The following VPS13B variants were observed in gnomAD, a reference collection of about 807,000 sequenced individuals.
VPS13B encodes vacuolar protein sorting 13 homolog B.
In VPS13B, 285 loss-of-function variants were observed where a neutral mutation model predicts 426.4. The observed-to-expected ratio is 0.67, with a 90% CI of 0.61 to 0.74. VPS13B has a LOEUF of 0.74. VPS13B is among the 30% of genes least tolerant of loss of function. The probability of loss-of-function intolerance (pLI) is 0.00; values close to 1 mark genes in which losing one functional copy is unlikely to be tolerated. For missense variants in VPS13B, 4,537 were observed against 4,782.6 expected, an observed-to-expected ratio of 0.95 and a Z score of 1.51; for synonymous variants, 1,676 against 1,676.4, an observed-to-expected ratio of 1.00 and a Z score of 0.01.
intron 23 of VPS13B, among the ~76,000 whole-genome samples, chr8:99,454,320 C>A (rs908247781): frequency 6.6e-6 from 1 of 152,062 alleles, no homozygotes; most frequent in Non-Finnish European, 1.5e-5. Flanking sequence ...TGCCACCTCA[C>A]CTGGCTAAAT....
chr8:99,859,706 A>C (rs2130935014), intron 57 of VPS13B, among the ~76,000 whole-genome samples: 1 of 152,262 alleles, frequency 6.6e-6, no homozygotes, highest in East Asian at 1.9e-4. Context: ...GAAACTTCAG[A>C]ATTTTAAGCC....
chr8:99,848,434 A>G (rs1005836559), intron 54 of VPS13B, among the ~76,000 whole-genome samples: 1 of 152,130 alleles, frequency 6.6e-6, no homozygotes, highest in Non-Finnish European at 1.5e-5. Context: ...TTTTTCCCAC[A>G]AAGATCCATA....
chr8:99,530,142 T>A (rs1452108085), intron 30 of VPS13B, among the ~76,000 whole-genome samples: 3 of 152,214 alleles, frequency 2.0e-5, no homozygotes, highest in African/African-American at 7.2e-5. Flanking sequence ...TGTTCAACTC[T>A]ATTTTTAATT....
At chr8:99,382,498 G>A (rs1041150049) in intron 19 of VPS13B, among the ~76,000 whole-genome samples, 1 of 151,714 alleles carries the variant, frequency 6.6e-6, no homozygotes, top group Non-Finnish European at 1.5e-5. Flanking sequence ...ATCTCTTTGA[G>A]CATGTTTTAT....
In VPS13B at chr8:99,874,220, C is replaced by T. The variant is rs138225158; in HGVS notation, c.11746-1198C>T. Among the ~76,000 whole-genome samples the T allele has an allele frequency of 7.0e-3, 1,060 of 152,254 alleles. 16 individuals carry two copies. Among genetic ancestry groups the T allele is most frequent in the African/African-American group, 0.025 (1,026 of 41,534 alleles). On this transcript the variant is annotated intron_variant, in intron 61 of 61. Coordinates refer to ENST00000357162, the MANE Select transcript of VPS13B (RefSeq NM_152564.5). The stretch of plus-strand genomic sequence containing the variant: ...TTCCTGTGCTGCTGTTCAGGAGGAG[C>T]AATTAAAACTTTTTGTGTATTCAAA...
chr8:99,175,466 A>G (rs1812578892), intron 16 of VPS13B, among the ~76,000 whole-genome samples: 1 of 152,208 alleles, frequency 6.6e-6, no homozygotes, highest in Admixed American at 6.5e-5. Context: ...CTACCATGCA[A>G]TATACAAAAA....
chr8:99,132,938 T>C (rs1342071711), intron 8 of VPS13B, among the ~76,000 whole-genome samples: 1 of 152,176 alleles, frequency 6.6e-6, no homozygotes, highest in Non-Finnish European at 1.5e-5. Context: ...AGATTTAGCA[T>C]GATTCTTAAG....
At chr8:99,486,177 A>T (rs1820298698) in intron 25 of VPS13B, among the ~76,000 whole-genome samples, 1 of 151,548 alleles carries the variant, frequency 6.6e-6, no homozygotes, top group Non-Finnish European at 1.5e-5. Flanking sequence ...TTGTCTTATC[A>T]TATAAGTAGT....
At chr8:99,839,135 T>G (rs981405726) in intron 54 of VPS13B, among the ~76,000 whole-genome samples, 1 of 152,192 alleles carries the variant, frequency 6.6e-6, no homozygotes, top group Non-Finnish European at 1.5e-5. Flanking sequence ...CCCCAGAAAG[T>G]GAATTAAAAT....
rs796535613 is a variant in VPS13B at position 99,627,956 on chromosome 8, G to A, written c.5221-13855G>A. ...CCACTGTTCCATTAACCCATAAGAC[G>A]TTCTTTGAAGAAAGTGTACTGTGGC... On this transcript the variant is annotated intron_variant, in intron 33 of 61. Coordinates refer to ENST00000357162, the MANE Select transcript of VPS13B (RefSeq NM_152564.5). 2.4e-4 allele frequency among the ~76,000 whole-genome samples: 37 copies of A among 152,184 alleles called. 1 individual carries two copies. The highest frequency in any genetic ancestry group is 3.4e-3 in the Middle Eastern group (1 of 294).
At chr8:99,422,998 T>C (rs1247791821) in intron 21 of VPS13B, among the ~76,000 whole-genome samples, 1 of 152,220 alleles carries the variant, frequency 6.6e-6, no homozygotes, top group African/African-American at 2.4e-5. Flanking sequence ...CCTGTAATTG[T>C]ACCTCATCCT....
In VPS13B at chr8:99,511,314, T is replaced by C. The variant is rs1157218850; in HGVS notation, c.4435T>C (p.Tyr1479His). 1.9e-6 allele frequency: 3 copies of C among 1,613,744 alleles called. No individual in the cohort carries two copies. In the African/African-American group the frequency reaches 4.0e-5, roughly 22 times the overall value. The change falls in exon 29 of 62, where the codon TAT (tyrosine) becomes CAT (histidine). Residue 1479 changes from tyrosine (Y) to histidine (H), a missense_variant. Physicochemically the swap from Tyr to His is moderately conservative, Grantham distance 83. Transcript: ENST00000357162. ...AGCACAAGCTTTTGATATTGTTCTT[T>C]ATTTTCCTTTACTTAATGCCATTGC... ...LSAQAFDIVL[Y>H]FPLLNAIASI...
intron 33 of VPS13B, among the ~76,000 whole-genome samples, chr8:99,587,213 G>A (rs549254899): frequency 2.6e-5 from 4 of 152,096 alleles, no homozygotes; most frequent in South Asian, 4.2e-4. Flanking sequence ...TTCTTAATCC[G>A]ATCTATCACT....
chr8:99,846,142 C>T (rs879578947), intron 54 of VPS13B, among the ~76,000 whole-genome samples: 2 of 152,208 alleles, frequency 1.3e-5, no homozygotes, highest in African/African-American at 2.4e-5. Flanking sequence ...TCAGCTTTAT[C>T]TTTATTGAGT....
chr8:99,516,975 A>C (rs144313738), intron 29 of VPS13B, among the ~76,000 whole-genome samples: 23 of 152,258 alleles, frequency 1.5e-4, no homozygotes, highest in African/African-American at 5.5e-4. Flanking sequence ...ACCAAATGCA[A>C]CTAAACTTTC....
At chr8:99,293,147 C>T (rs1819830677) in intron 19 of VPS13B, among the ~76,000 whole-genome samples, 1 of 149,296 alleles carries the variant, frequency 6.7e-6, no homozygotes, top group Admixed American at 6.7e-5. Flanking sequence ...AACTATACTA[C>T]AAGGCTACAG....
intron 39 of VPS13B, among the ~76,000 whole-genome samples, chr8:99,761,132 G>C (rs1810909105): frequency 1.3e-5 from 2 of 152,142 alleles, no homozygotes; most frequent in Non-Finnish European, 2.9e-5. Context: ...GGTTTCATTT[G>C]GTGTGAATTT....
At chr8:99,457,097 T>A (rs1818508723) in intron 23 of VPS13B, among the ~76,000 whole-genome samples, 1 of 151,842 alleles carries the variant, frequency 6.6e-6, no homozygotes, top group Non-Finnish European at 1.5e-5. Flanking sequence ...AGTGGTGTGA[T>A]TTCAGCTCAC....
At chr8:99,351,642 C>G (rs1811903336) in intron 19 of VPS13B, among the ~76,000 whole-genome samples, 1 of 151,990 alleles carries the variant, frequency 6.6e-6, no homozygotes, top group Non-Finnish European at 1.5e-5. Flanking sequence ...CATAGCGTTT[C>G]ATTTATACTT....
Sources: gnomAD v4.1 joint callset for allele counts (sites outside exome capture counted in the v4.1 genomes callset) on GRCh38, gnomAD v4.1.1 for gene constraint, MANE v1.5 for transcripts, NCBI Gene and HGNC (gene_info 2026-07-23, HGNC 2026-07-21) for gene names.